Variants in SAMD5 observed in about 807,000 individuals in gnomAD.
SAMD5 encodes sterile alpha motif domain containing 5.
A neutral mutation model predicts 11.3 loss-of-function variants in SAMD5; 13 were observed. The observed-to-expected ratio is 1.15, with a 90% CI of 0.75 to 1.83. SAMD5 has a LOEUF of 1.83. Among genes scored for constraint, SAMD5 ranks in the 40% most tolerant of loss-of-function variants. SAMD5 has a pLI of 0.00. For missense variants in SAMD5, 255 were observed against 239.1 expected (o/e 1.07, Z -0.44); for synonymous variants, 129 against 111.3 (o/e 1.16, Z -1.00).
chr6:147,638,093 A>C (rs11155515), intron 1 of SAMD5, among the ~76,000 whole-genome samples: 80,044 of 151,756 alleles, frequency 0.53, 22,778 homozygotes, highest in South Asian at 0.71. Context: ...TACCTGCTTG[A>C]CTGAGTGTTC....
chr6:147,508,936 C>G lies in SAMD5; in HGVS notation c.8C>G (p.Thr3Ser), dbSNP rs367585597. The change falls in exon 1 of 2, where the codon ACC (threonine) becomes AGC (serine). Residue 3 changes from threonine (T) to serine (S), a missense_variant. Coordinates refer to ENST00000367474, the MANE Select transcript of SAMD5 (RefSeq NM_001030060.3). MC[T>S]NIVYEWLKAL... Reference sequence around the variant, plus strand: ...GGGGTTCCCGGTCCCACCATGTGCACCAACATAGTTTACGAGTGGCTCAAA... The same window carrying G: ...GGGGTTCCCGGTCCCACCATGTGCAGCAACATAGTTTACGAGTGGCTCAAA... The G allele has an allele frequency of 9.1e-5, 145 of 1,593,956 alleles. No homozygotes were observed. In the South Asian group the frequency reaches 1.5e-3, roughly 17 times the overall value.
rs1198081004 is a variant in SAMD5 at position 147,662,970 on chromosome 6, A to G, written c.163-74347A>G. ...TTTTTAATTATTAATATTTCACAGT[A>G]TACTAGTAACTGTCTTGTAGAATAT... On this transcript the variant is annotated intron_variant, in intron 1 of 1. Transcript: ENST00000566741. 2.6e-5 allele frequency among the ~76,000 whole-genome samples: 4 copies of G among 152,184 alleles called. No individual in the cohort carries two copies. In the East Asian group the frequency reaches 7.7e-4, roughly 29 times the overall value.
At chr6:147,631,100 G>A (rs1790143592) in intron 1 of SAMD5, among the ~76,000 whole-genome samples, 2 of 152,148 alleles carry the variant, frequency 1.3e-5, no homozygotes, top group African/African-American at 4.8e-5. Flanking sequence ...GGGGCAGCAT[G>A]GGAACCTAGA....
At chr6:147,831,168 A>G in the SAMD5 span, among the ~76,000 whole-genome samples, 1 of 152,242 alleles carries the variant, frequency 6.6e-6, no homozygotes, top group African/African-American at 2.4e-5. Flanking sequence ...TCAAAGGTGA[A>G]TGCAAATTGT....
the SAMD5 span, among the ~76,000 whole-genome samples, chr6:147,912,563 T>A: frequency 3.9e-5 from 6 of 152,236 alleles, no homozygotes; most frequent in African/African-American, 1.4e-4. Context: ...GCAGTCCACC[T>A]TTTAGGAGTT....
At chr6:147,723,847 A>G (rs892883914) in intron 1 of SAMD5, among the ~76,000 whole-genome samples, 1 of 152,188 alleles carries the variant, frequency 6.6e-6, no homozygotes, top group African/African-American at 2.4e-5. Flanking sequence ...CAGAAAATGT[A>G]TAATTTTGTA....
At chr6:147,532,249 T>C (rs1317702974) in intron 1 of SAMD5, among the ~76,000 whole-genome samples, 1 of 152,190 alleles carries the variant, frequency 6.6e-6, no homozygotes, top group Non-Finnish European at 1.5e-5. Context: ...CAGTGCACAC[T>C]GTACCCATTA....
the SAMD5 span, among the ~76,000 whole-genome samples, chr6:147,781,997 T>C: frequency 1.3e-5 from 2 of 152,042 alleles, no homozygotes; most frequent in Non-Finnish European, 2.9e-5. Flanking sequence ...AGACAATATG[T>C]AGTGGAAGTG....
chr6:147,904,098 C>T, the SAMD5 span, among the ~76,000 whole-genome samples: 1 of 152,164 alleles, frequency 6.6e-6, no homozygotes, highest in Non-Finnish European at 1.5e-5. Flanking sequence ...TAACCAATCT[C>T]TACTAGCTGT....
chr6:147,526,804 G>A (rs1788349166), intron 1 of SAMD5, among the ~76,000 whole-genome samples: 1 of 145,846 alleles, frequency 6.9e-6, no homozygotes, highest in Non-Finnish European at 1.5e-5. Context: ...CACTTTGGGC[G>A]GCAATGGGAT....
At chr6:147,589,914 A>T (rs1424306710) in intron 1 of SAMD5, among the ~76,000 whole-genome samples, 1 of 152,188 alleles carries the variant, frequency 6.6e-6, no homozygotes, top group Admixed American at 6.5e-5. Flanking sequence ...GCAATGATGT[A>T]TTCTTCACAG....
At chr6:147,927,046 A>C in the SAMD5 span, among the ~76,000 whole-genome samples, 3 of 152,170 alleles carry the variant, frequency 2.0e-5, no homozygotes, top group Non-Finnish European at 4.4e-5. Flanking sequence ...TATCAGTACC[A>C]AGCTGTTTTG....
intron 1 of SAMD5, among the ~76,000 whole-genome samples, chr6:147,714,208 G>A (rs1050497668): frequency 6.6e-6 from 1 of 152,152 alleles, no homozygotes; most frequent in Non-Finnish European, 1.5e-5. Context: ...AGGTATTTTG[G>A]TCTGCTTTTT....
At chr6:147,519,196 T>G (rs192457791) in intron 1 of SAMD5, among the ~76,000 whole-genome samples, 101 of 152,268 alleles carry the variant, frequency 6.6e-4, no homozygotes, top group African/African-American at 2.4e-3. Context: ...ATTTAAAGAT[T>G]TTTTCCCCTA....
the SAMD5 span, among the ~76,000 whole-genome samples, chr6:147,755,579 C>T: frequency 1.3e-5 from 2 of 152,072 alleles, no homozygotes; most frequent in Non-Finnish European, 2.9e-5. Context: ...TCAACTATAT[C>T]ATCCTCACTT....
chr6:147,773,690 C>T, the SAMD5 span, among the ~76,000 whole-genome samples: 19 of 152,132 alleles, frequency 1.2e-4, no homozygotes. Flanking sequence ...AAATCTCCAT[C>T]TTCTTGACCT....
intron 1 of SAMD5, among the ~76,000 whole-genome samples, chr6:147,632,228 A>G (rs987957528): frequency 6.6e-6 from 1 of 152,148 alleles, no homozygotes; most frequent in Non-Finnish European, 1.5e-5. Context: ...TTTCCTTTGG[A>G]AGTAAAGCGG....
the SAMD5 span, among the ~76,000 whole-genome samples, chr6:147,875,669 C>T: frequency 2.0e-5 from 3 of 152,096 alleles, no homozygotes; most frequent in African/African-American, 7.2e-5. Context: ...GCAAAACCGC[C>T]TGAGCTCCAC....
At chr6:147,918,074 GT>G in the SAMD5 span, among the ~76,000 whole-genome samples, 2 of 152,116 alleles carry the variant, frequency 1.3e-5, no homozygotes, top group South Asian at 4.1e-4. Flanking sequence ...CTTTAAAGTA[GT>G]TTTTTTCCAA....
Sources: gnomAD v4.1 joint callset for allele counts (sites outside exome capture counted in the v4.1 genomes callset) on GRCh38, gnomAD v4.1.1 for gene constraint, MANE v1.5 for transcripts, NCBI Gene and HGNC (gene_info 2026-07-23, HGNC 2026-07-21) for gene names.